TNFRSF1B: variants seen among roughly 807,000 people sequenced by gnomAD.
TNFRSF1B encodes the protein TNF receptor superfamily member 1B, also known as tumor necrosis factor receptor superfamily member 1B.
A neutral mutation model predicts 44.6 loss-of-function variants in TNFRSF1B; 19 were observed. The observed-to-expected ratio is 0.43, with a 90% CI of 0.30 to 0.62. The LOEUF is 0.62. TNFRSF1B is among the 20% of genes least tolerant of loss of function. The probability of loss-of-function intolerance (pLI) is 0.16; values close to 1 mark genes in which losing one functional copy is unlikely to be tolerated. For missense variants in TNFRSF1B, 541 were observed against 619.9 expected, an observed-to-expected ratio of 0.87 and a Z score of 1.35; for synonymous variants, 252 against 261.1, an observed-to-expected ratio of 0.97 and a Z score of 0.34.
At chr1:12,203,494 A>G (rs139415257) in intron 9 of TNFRSF1B, among the ~76,000 whole-genome samples, 6 of 151,734 alleles carry the variant, frequency 4.0e-5, no homozygotes, top group Admixed American at 1.3e-4. Flanking sequence ...CCTGCCCCCA[A>G]CTGCCCACAG....
At chr1:12,205,396 G>A (rs781268812) in intron 9 of TNFRSF1B, among the ~76,000 whole-genome samples, 1 of 152,138 alleles carries the variant, frequency 6.6e-6, no homozygotes, top group Non-Finnish European at 1.5e-5. Context: ...ATCAGACAGG[G>A]CCTGGTAGGC....
intron 9 of TNFRSF1B, 38 bp from the exon 10 acceptor site, chr1:12,206,702 C>A (rs773764020): frequency 3.3e-6 from 5 of 1,530,766 alleles, no homozygotes; most frequent in African/African-American, 2.7e-5. Flanking sequence ...CACTCCTGGA[C>A]CCCCGGACTG....
chr1:12,194,752 G>A, intron 8 of TNFRSF1B, 134 bp downstream of exon 8: 1 of 1,152,918 alleles, frequency 8.7e-7, no homozygotes, highest in Non-Finnish European at 1.3e-6. Flanking sequence ...CTGGGAGGTG[G>A]AGGAAAGGCC....
intron 8 of TNFRSF1B, among the ~76,000 whole-genome samples, chr1:12,197,665 T>C (rs1639294751): frequency 1.3e-5 from 2 of 152,180 alleles, no homozygotes; most frequent in Admixed American, 6.5e-5. Context: ...TATGCCTGTG[T>C]CCCACGCTAC....
Position 12,192,321 on chromosome 1 carries a change from G to T in TNFRSF1B, c.458-110G>T, listed in dbSNP as rs757671862. ...GTGTGTGTGTGTAAGGGGTGGAGGT[G>T]CAGACAGAGCTCCTTGGGCCCCTCA... On this transcript the variant is annotated intron_variant, in intron 4 of 9. Transcript: ENST00000376259. The T allele has an allele frequency of 4.9e-5, 41 of 840,516 alleles. No individual in the cohort carries two copies. In the Middle Eastern group the frequency reaches 1.9e-3, roughly 40 times the overall value. 52.1% of individuals were successfully genotyped at this position (840,516 alleles called of 1,614,324 possible). A position where few individuals can be genotyped will look rare whatever the true frequency, so the allele number is the denominator to read the frequency against.
intron 2 of TNFRSF1B, 31 bp from the exon 3 acceptor site, chr1:12,190,926 C>A (rs1309441238): frequency 6.2e-7 from 1 of 1,607,392 alleles, no homozygotes; most frequent in Non-Finnish European, 8.5e-7. Flanking sequence ...AAGGCTCGCC[C>A]AGCTGAGACC....
Position 12,177,883 on chromosome 1 carries a change from C to A in TNFRSF1B, c.78+10714C>A, listed in dbSNP as rs144306788. Among the ~76,000 whole-genome samples the A allele has an allele frequency of 2.5e-3, 385 of 152,200 alleles. No homozygotes were observed. Among genetic ancestry groups the A allele is most frequent in the Non-Finnish European group, 4.7e-3 (319 of 68,022 alleles). On this transcript the variant is annotated intron_variant, in intron 1 of 9. Coordinates refer to ENST00000376259, the MANE Select transcript of TNFRSF1B (RefSeq NM_001066.3). This position sits in a 1 kb window ranked among gnomAD's most constrained non-coding sequence, Gnocchi z 4.3. ...ACCGATGCATTAACTACACAGAGTGCCCTTCCTTGTCACAGCTACCTGGGG... is the reference window on the plus strand; with the variant it reads ...ACCGATGCATTAACTACACAGAGTGACCTTCCTTGTCACAGCTACCTGGGG...
At chr1:12,174,166 C>T (rs2930206) in intron 1 of TNFRSF1B, among the ~76,000 whole-genome samples, 2,222 of 55,056 alleles carry the variant, frequency 0.04, 8 homozygotes, top group South Asian at 0.071. Flanking sequence ...TTCTTCTTCT[C>T]CTTCTCCTTC....
At position 12,177,614 on chromosome 1, in the gene TNFRSF1B, C is replaced by T. The variant is rs180716601; in HGVS notation, c.78+10445C>T. Among the ~76,000 whole-genome samples, 145 of 152,214 alleles carry T rather than the reference C, an allele frequency of 9.5e-4. No homozygotes were observed. Among genetic ancestry groups the T allele is most frequent in the Non-Finnish European group, 1.6e-3 (107 of 68,004 alleles). ...CAAAAGGGCTGCTCTCTGTCACTTC[C>T]CCTAGGGGCGGGCAGATGCTGGCAG... is the stretch of plus-strand genomic sequence containing the variant. On this transcript the variant is annotated intron_variant, in intron 1 of 9. Coordinates refer to ENST00000376259, the MANE Select transcript of TNFRSF1B (RefSeq NM_001066.3). The surrounding 1 kb of genome is among the most constrained non-coding windows in gnomAD (Gnocchi z 4.3).
rs1557623641 is a variant in TNFRSF1B, at chr1:12,174,154, T to TTCTCCTTCTC, written c.78+6985_78+6986insTCTCCTTCTC. Among the ~76,000 whole-genome samples the TTCTCCTTCTC allele has an allele frequency of 7.7e-4, 57 of 73,994 alleles. 2 individuals are homozygous for TTCTCCTTCTC. In the Middle Eastern group the frequency reaches 0.019, roughly 25 times the overall value. The allele number at this position is 73,994 out of a possible 152,430, so 48.5% of individuals were successfully genotyped here. On this transcript the variant is annotated intron_variant, in intron 1 of 9. Coordinates refer to ENST00000376259, the MANE Select transcript of TNFRSF1B (RefSeq NM_001066.3). ...TTCTTCTTCTTCTTCTTCTTCTTCTTCTTCTTCTTCTCCTTCTCCTTCTCC... is the reference window on the plus strand; with the variant it reads ...TTCTTCTTCTTCTTCTTCTTCTTCTTTCTCCTTCTCCTTCTTCTTCTCCTTCTCCTTCTCC...
chr1:12,191,770 C>G lies in TNFRSF1B; in HGVS notation c.308-4C>G. On this transcript the variant is annotated splice_polypyrimidine_tract_variant and splice_region_variant and intron_variant, in intron 3 of 9. Coordinates refer to ENST00000376259, the MANE Select transcript of TNFRSF1B (RefSeq NM_001066.3). Reference sequence around the variant, plus strand: ...GACCGTTTGCCGCCCTCTCGCTGCTCTAGACCAGGTGGAAACTCAAGCCTG... The same window carrying G: ...GACCGTTTGCCGCCCTCTCGCTGCTGTAGACCAGGTGGAAACTCAAGCCTG... 2.5e-6 allele frequency: 4 copies of G among 1,613,420 alleles called. No homozygotes were observed. The highest frequency in any genetic ancestry group is 3.4e-6 in the Non-Finnish European group (4 of 1,179,760).
chr1:12,170,456 C>T (rs1022363299), intron 1 of TNFRSF1B, among the ~76,000 whole-genome samples: 1 of 152,244 alleles, frequency 6.6e-6, no homozygotes, highest in Admixed American at 6.5e-5. Context: ...ACCTGCCGGG[C>T]ATTCTTACGT....
At chr1:12,172,061 C>A (rs1247747665) in intron 1 of TNFRSF1B, among the ~76,000 whole-genome samples, 1 of 152,120 alleles carries the variant, frequency 6.6e-6, no homozygotes, top group African/African-American at 2.4e-5. Flanking sequence ...TTGCTCACCC[C>A]CTCGACATCC....
At chr1:12,167,377 G>A (rs1638416989) in intron 1 of TNFRSF1B, 1 of 421,192 alleles carries the variant, frequency 2.4e-6, no homozygotes, top group African/African-American at 2.1e-5. Context: ...CGTGCGCTCG[G>A]GGCACAACTC....
In TNFRSF1B at chr1:12,183,789, CCTAT is replaced by C. The variant is rs745665339; in HGVS notation, c.79-4995_79-4992del. 2.0e-3 allele frequency among the ~76,000 whole-genome samples: 247 copies of C among 125,904 alleles called. 8 individuals carry two copies. The highest frequency in any genetic ancestry group is 8.9e-3 in the Admixed American group (119 of 13,394). 82.6% of individuals were successfully genotyped at this position (125,904 alleles called of 152,430 possible). ...GCTAGCTATCTATTCTATCTACCTA[CCTAT>C]CTATCTATCTAGCTATCTATCTATT... On this transcript the variant is annotated intron_variant, in intron 1 of 9. Coordinates refer to ENST00000376259, the MANE Select transcript of TNFRSF1B (RefSeq NM_001066.3).
rs1553163853 is a variant in TNFRSF1B at position 12,187,175 on chromosome 1, T to A, written c.79-1621T>A. ...CCCTCTTTTTTTTTTTTTTTCGAGA[T>A]GGAGTTTTGCTCTGTCAATTAGGCT... On this transcript the variant is annotated intron_variant, in intron 1 of 9. Coordinates refer to ENST00000376259, the MANE Select transcript of TNFRSF1B (RefSeq NM_001066.3). The surrounding 1 kb of genome is among the most constrained non-coding windows in gnomAD (Gnocchi z 5.5). 1.3e-5 allele frequency among the ~76,000 whole-genome samples: 2 copies of A among 150,338 alleles called. No homozygotes were observed. Among genetic ancestry groups the A allele is most frequent in the East Asian group, 2.0e-4 (1 of 5,120 alleles).
At chr1:12,176,845 T>G (rs1017997580) in intron 1 of TNFRSF1B, among the ~76,000 whole-genome samples, 2 of 151,986 alleles carry the variant, frequency 1.3e-5, no homozygotes, top group Admixed American at 1.3e-4. Flanking sequence ...GGCGAGAGGC[T>G]TGAGGGAGGA....
At chr1:12,203,950 G>A (rs1472052537) in intron 9 of TNFRSF1B, among the ~76,000 whole-genome samples, 3 of 152,208 alleles carry the variant, frequency 2.0e-5, no homozygotes, top group African/African-American at 4.8e-5. Flanking sequence ...GACTGGTCTC[G>A]AAATCCTGAC....
intron 9 of TNFRSF1B, among the ~76,000 whole-genome samples, chr1:12,204,540 C>T (rs1396249844): frequency 6.6e-6 from 1 of 152,134 alleles, no homozygotes; most frequent in African/African-American, 2.4e-5. Context: ...CAGCAACTCT[C>T]ATTTTCTGAG....
Sources: allele counts gnomAD v4.1 joint callset (sites outside exome capture counted in the v4.1 genomes callset), GRCh38; gene constraint gnomAD v4.1.1; non-coding constraint Gnocchi (gnomAD v3.1); transcripts MANE v1.5; gene names NCBI Gene and HGNC (gene_info 2026-07-23, HGNC 2026-07-21).